ZNF420: variants seen among roughly 807,000 people sequenced by gnomAD.
ZNF420 encodes ATM and p53-associated KZNF protein.
Under a neutral mutation model 44.7 loss-of-function variants are expected in ZNF420, and 31 were observed. The observed-to-expected ratio is 0.69, with a 90% CI of 0.52 to 0.94. ZNF420 has a LOEUF of 0.94. Ranked by LOEUF, ZNF420 falls within the 40% of genes least tolerant of loss-of-function variation. The pLI is 0.00. For missense variants in ZNF420, 681 were observed against 827.9 expected (o/e 0.82, Z 2.18); for synonymous variants, 245 against 267.4 (o/e 0.92, Z 0.82).
chr19:37,050,328 T>C (rs1302761514), intron 1 of ZNF420, among the ~76,000 whole-genome samples: 1 of 152,228 alleles, frequency 6.6e-6, no homozygotes, highest in African/African-American at 2.4e-5. Context: ...TTTCATGATA[T>C]TGATTCTTCC....
chr19:37,008,590 G>C (rs927484344), intron 1 of ZNF420, among the ~76,000 whole-genome samples: 1 of 152,326 alleles, frequency 6.6e-6, no homozygotes, highest in East Asian at 1.9e-4. Flanking sequence ...TTAAGTCCGC[G>C]AGACTCTTCT....
intron 1 of ZNF420, among the ~76,000 whole-genome samples, chr19:37,047,990 TAGAG>T: frequency 6.6e-6 from 1 of 152,340 alleles, no homozygotes; most frequent in East Asian, 1.9e-4. Context: ...TCCATGCTGT[TAGAG>T]AGGGAAAGTA....
rs757977353 is a variant in ZNF420, at chr19:37,127,709, C to T, written c.718C>T (p.Arg240Ter). Residue 240 changes from arginine to a stop codon, truncating the protein, a stop_gained, in exon 5 of 5, where the codon CGA (arginine) becomes TGA (stop). Coordinates refer to ENST00000337995, the MANE Select transcript of ZNF420 (RefSeq NM_144689.5). LOFTEE classifies it high-confidence loss of function. The stretch of plus-strand genomic sequence containing the variant: ...CTTTATTCGTAGCTCACAACTTACC[C>T]GACATCAAAAAGTTCATACTGGTGA... The part of the protein sequence containing the change: ...KAFIRSSQLT[R>*]HQKVHTGEKP... 8.1e-6 allele frequency: 13 copies of T among 1,613,704 alleles called. No individual in the cohort carries two copies. Among genetic ancestry groups the T allele is most frequent in the East Asian group, 2.2e-5 (1 of 44,870 alleles).
At chr19:37,075,501 G>C (rs985999870), upstream of ZNF420, among the ~76,000 whole-genome samples, 2 of 152,126 alleles carry the variant, frequency 1.3e-5, no homozygotes, top group African/African-American at 4.8e-5. Flanking sequence ...CCAGCACTTT[G>C]GGAGGCCAAG....
chr19:37,015,236 C>T (rs2074601211), intron 1 of ZNF420, among the ~76,000 whole-genome samples: 1 of 152,362 alleles, frequency 6.6e-6, no homozygotes, highest in East Asian at 1.9e-4. Flanking sequence ...TGATGCTCCT[C>T]ACTCTGTGGC....
intron 2 of ZNF420, among the ~76,000 whole-genome samples, chr19:37,086,967 G>A (rs962425809): frequency 6.6e-6 from 1 of 152,074 alleles, no homozygotes. Flanking sequence ...TGCCATAGAT[G>A]GGAGCATCCA....
intron 4 of ZNF420, among the ~76,000 whole-genome samples, chr19:37,099,323 T>A (rs1012318448): frequency 3.3e-5 from 5 of 152,178 alleles, no homozygotes; most frequent in Non-Finnish European, 5.9e-5. Context: ...TTCCCCCTTT[T>A]TCCACATTTT....
At chr19:37,039,800 A>T (rs796471967) in intron 1 of ZNF420, among the ~76,000 whole-genome samples, 3 of 152,058 alleles carry the variant, frequency 2.0e-5, no homozygotes, top group African/African-American at 7.2e-5. Flanking sequence ...TCCTTGGCTC[A>T]AGTGATCCTC....
chr19:37,119,974 TAATC>T (rs1970933989), intron 4 of ZNF420, among the ~76,000 whole-genome samples: 1 of 152,176 alleles, frequency 6.6e-6, no homozygotes, highest in Non-Finnish European at 1.5e-5. Flanking sequence ...ATTGTGGCAA[TAATC>T]AATAGCTTAC....
chr19:37,024,946 C>A (rs1277324460), intron 1 of ZNF420: 2 of 188,734 alleles, frequency 1.1e-5, no homozygotes. Flanking sequence ...ACACTAAAGG[C>A]CTTCCCACAC....
chr19:37,129,912 A>G lies in ZNF420; in HGVS notation c.*854A>G, dbSNP rs1599738072. On this transcript the variant is annotated 3_prime_UTR_variant, in exon 5 of 5. Coordinates refer to ENST00000337995, the MANE Select transcript of ZNF420 (RefSeq NM_144689.5). Reference sequence around the variant, plus strand: ...ATGTATTGCTTTTGAAGTAAACAAAATAACTGATATTACAGACTATTTTGC... The same window carrying G: ...ATGTATTGCTTTTGAAGTAAACAAAGTAACTGATATTACAGACTATTTTGC... The G allele has an allele frequency of 1.4e-5, 18 of 1,310,826 alleles. No homozygotes were observed. In the East Asian group the frequency reaches 4.3e-4, roughly 31 times the overall value. The allele number at this position is 1,310,826 out of a possible 1,614,324, so 81.2% of individuals were successfully genotyped here.
intron 4 of ZNF420, among the ~76,000 whole-genome samples, chr19:37,125,211 T>C (rs1971282680): frequency 6.6e-6 from 1 of 152,292 alleles, no homozygotes; most frequent in East Asian, 1.9e-4. Context: ...AGACCTGTAG[T>C]AGTGCCTGGG....
intron 1 of ZNF420, among the ~76,000 whole-genome samples, chr19:37,009,473 A>G (rs2074552298): frequency 6.6e-6 from 1 of 152,024 alleles, no homozygotes; most frequent in Admixed American, 6.5e-5. Flanking sequence ...ATCGCCCCAT[A>G]TGGCCTCGGT....
At chr19:37,025,770 CTTTTTT>C (rs67671586) in intron 1 of ZNF420, among the ~76,000 whole-genome samples, 14 of 129,460 alleles carry the variant, frequency 1.1e-4, no homozygotes, top group Admixed American at 3.2e-4. Flanking sequence ...TTAAACCTGT[CTTTTTT>C]TTTTTTTTTT....
chr19:37,026,101 G>A (rs1450077427), intron 1 of ZNF420, among the ~76,000 whole-genome samples: 1 of 151,872 alleles, frequency 6.6e-6, no homozygotes, highest in Non-Finnish European at 1.5e-5. Context: ...ATGACCTGAG[G>A]TCGGGAGTTC....
In ZNF420 at chr19:37,036,956, C is replaced by T. The variant is rs117454571; in HGVS notation, c.-125+28874C>T. On this transcript the variant is annotated intron_variant, in intron 1 of 4. Coordinates refer to the ZNF420 transcript ENST00000587029. ...TTCTCAGATTCTTTGGTGCTCTGCA[C>T]GAGAATGTGGTAGCAGAAGGAGAGC... Among the ~76,000 whole-genome samples, 942 of 152,276 alleles carry T rather than the reference C, an allele frequency of 6.2e-3. 28 individuals are homozygous for T. The highest frequency in any genetic ancestry group is 0.05 in the East Asian group (258 of 5,178).
chr19:37,105,642 C>A (rs146115978), intron 4 of ZNF420, among the ~76,000 whole-genome samples: 1 of 151,900 alleles, frequency 6.6e-6, no homozygotes, highest in Admixed American at 6.6e-5. Flanking sequence ...GGCCATTTTA[C>A]GATATTGATT....
Position 37,127,849 on chromosome 19 carries a change from G to C in ZNF420, c.858G>C (p.Lys286Asn). 1 of 1,613,846 alleles carries C rather than the reference G, an allele frequency of 6.2e-7. No individual in the cohort carries two copies. Among genetic ancestry groups the C allele is most frequent in the Non-Finnish European group, 8.5e-7 (1 of 1,179,920 alleles). ...TCTATGAATGTAAAGAATGTAGGAA[G>C]GTCTTTACTCAGCTCTCACAACTTA... ...EKLYECKECR[K>N]VFTQLSQLIL... The change falls in exon 5 of 5, where the codon AAG (lysine) becomes AAC (asparagine). Residue 286 changes from lysine to asparagine, a missense_variant. Coordinates refer to ENST00000337995, the MANE Select transcript of ZNF420 (RefSeq NM_144689.5).
intron 1 of ZNF420, among the ~76,000 whole-genome samples, chr19:37,053,077 C>T (rs550518669): frequency 6.6e-6 from 1 of 152,204 alleles, no homozygotes; most frequent in East Asian, 1.9e-4. Flanking sequence ...ATTCCTTTTT[C>T]TTTAAACTTC....
Sources: allele counts gnomAD v4.1 joint callset (sites outside exome capture counted in the v4.1 genomes callset), GRCh38; gene constraint gnomAD v4.1.1; transcripts MANE v1.5; gene names NCBI Gene and HGNC (gene_info 2026-07-23, HGNC 2026-07-21).